The following ZEB1 variants were observed in gnomAD, a reference collection of about 807,000 sequenced individuals.
The protein encoded by ZEB1 is zinc finger E-box-binding homeobox 1.
A neutral mutation model predicts 84.9 loss-of-function variants in ZEB1; 21 were observed. That is an observed-to-expected ratio of 0.25 (90% CI 0.18 to 0.36). The LOEUF (loss-of-function observed/expected upper bound fraction) is 0.36. Ranked by LOEUF, ZEB1 falls within the 10% of genes least tolerant of loss-of-function variation. The pLI is 1.00. For synonymous variants in ZEB1, 420 were observed against 471.1 expected (o/e 0.89, Z 1.41); for missense variants, 1,104 against 1,330.2 (o/e 0.83, Z 2.65).
At chr10:31,463,112 T>C (rs866529208) in intron 2 of ZEB1, among the ~76,000 whole-genome samples, 12 of 152,164 alleles carry the variant, frequency 7.9e-5, no homozygotes, top group South Asian at 2.1e-4. Flanking sequence ...GTATTTCTTA[T>C]CTGTGGCCTG....
intron 1 of ZEB1, among the ~76,000 whole-genome samples, chr10:31,335,907 A>G (rs1178493342): frequency 6.6e-6 from 1 of 152,232 alleles, no homozygotes; most frequent in Non-Finnish European, 1.5e-5. Context: ...CAGAATTATT[A>G]TACAAATTCA....
rs2057680274 is a variant in ZEB1, at chr10:31,431,319, G to T, written c.59-29718G>T. 4.6e-5 allele frequency among the ~76,000 whole-genome samples: 7 copies of T among 152,256 alleles called. No homozygotes were observed. The South Asian group carries it at 1.5e-3, about 32-fold the overall frequency. Reference sequence around the variant, plus strand: ...GGGAGCATTGCCTTAAACTAAACTGGAAATAAGAAGCAGCATTCATTATAC... The same window carrying T: ...GGGAGCATTGCCTTAAACTAAACTGTAAATAAGAAGCAGCATTCATTATAC... On this transcript the variant is annotated intron_variant, in intron 1 of 8. Coordinates refer to ENST00000424869, the MANE Select transcript of ZEB1 (RefSeq NM_001174096.2).
intron 6 of ZEB1, among the ~76,000 whole-genome samples, chr10:31,514,913 C>T (rs137920823): frequency 6.7e-4 from 102 of 152,118 alleles, no homozygotes; most frequent in African/African-American, 2.4e-3. Flanking sequence ...TATAGTATGA[C>T]ATACTCCAGA....
intron 4 of ZEB1, among the ~76,000 whole-genome samples, chr10:31,507,607 C>A (rs2069211386): frequency 6.6e-6 from 1 of 151,956 alleles, no homozygotes; most frequent in Admixed American, 6.6e-5. Flanking sequence ...TTGACCTAAT[C>A]TATTGCTGAA....
At chr10:31,413,599 A>G (rs905013718) in intron 1 of ZEB1, among the ~76,000 whole-genome samples, 3 of 150,862 alleles carry the variant, frequency 2.0e-5, no homozygotes, top group Non-Finnish European at 4.4e-5. Flanking sequence ...TATGAAAGAT[A>G]AGGAGTAAGC....
chr10:31,352,062 T>C (rs781033207), intron 1 of ZEB1, among the ~76,000 whole-genome samples: 16 of 152,210 alleles, frequency 1.1e-4, no homozygotes, highest in Non-Finnish European at 1.6e-4. Context: ...TAATTCATAA[T>C]ACATAGGATA....
chr10:31,378,147 A>C (rs1381190923), intron 1 of ZEB1, among the ~76,000 whole-genome samples: 1 of 151,390 alleles, frequency 6.6e-6, no homozygotes. Flanking sequence ...TGCTTTACCA[A>C]ATGTTCTCAC....
intron 1 of ZEB1, among the ~76,000 whole-genome samples, chr10:31,411,770 T>C (rs1223464576): frequency 2.0e-5 from 3 of 151,930 alleles, no homozygotes; most frequent in African/African-American, 7.2e-5. Flanking sequence ...TCTGGGTCTC[T>C]TTCTTTCTAA....
intron 1 of ZEB1, among the ~76,000 whole-genome samples, chr10:31,458,891 T>C (rs2061529591): frequency 1.3e-5 from 2 of 152,250 alleles, no homozygotes; most frequent in East Asian, 3.9e-4. Context: ...TGTATATAGA[T>C]GCCCCTTGAC....
At chr10:31,496,705 A>G (rs1447068365) in intron 3 of ZEB1, among the ~76,000 whole-genome samples, 3 of 151,884 alleles carry the variant, frequency 2.0e-5, no homozygotes, top group African/African-American at 7.3e-5. Flanking sequence ...TTTTAATTAC[A>G]TTTTCTTTTT....
intron 1 of ZEB1, among the ~76,000 whole-genome samples, chr10:31,460,727 A>G (rs2061716053): frequency 6.6e-6 from 1 of 152,110 alleles, no homozygotes; most frequent in African/African-American, 2.4e-5. Flanking sequence ...CAAGGATATA[A>G]GTAGTAAGTG....
At position 31,475,668 on chromosome 10, in the gene ZEB1, G is replaced by C. The variant is rs543626575; in HGVS notation, c.259+14431G>C. Among the ~76,000 whole-genome samples, 20 of 152,228 alleles carry C rather than the reference G, an allele frequency of 1.3e-4. No homozygotes were observed. In the East Asian group the frequency reaches 3.7e-3, roughly 28 times the overall value. On this transcript the variant is annotated intron_variant, in intron 2 of 8. Transcript: ENST00000424869. ...ACCACCTTGAAAAAATGTCAGACAT[G>C]AATTTTATATCCTGCCAAACTAAGC...
At chr10:31,346,498 C>T in intron 1 of ZEB1, among the ~76,000 whole-genome samples, 1 of 151,632 alleles carries the variant, frequency 6.6e-6, no homozygotes. Flanking sequence ...AATTAGATGG[C>T]TTTGGGAGTA....
intron 2 of ZEB1, among the ~76,000 whole-genome samples, chr10:31,472,429 C>G (rs1446566171): frequency 6.6e-6 from 1 of 152,110 alleles, no homozygotes; most frequent in Non-Finnish European, 1.5e-5. Context: ...ACTACAAATA[C>G]CTCTATGCAA....
Position 31,423,580 on chromosome 10 carries a change from G to T in ZEB1, c.59-37457G>T, listed in dbSNP as rs1432846997. Among the ~76,000 whole-genome samples, 3 of 152,064 alleles carry T rather than the reference G, an allele frequency of 2.0e-5. No individual in the cohort carries two copies. In the East Asian group the frequency reaches 5.8e-4, roughly 29 times the overall value. On this transcript the variant is annotated intron_variant, in intron 1 of 8. Transcript: ENST00000424869. ...GGTTGTGTTACTATATAATGCAAATGCATGAGGATCAGTGTTTAAGCAATT... is the reference window on the plus strand; with the variant it reads ...GGTTGTGTTACTATATAATGCAAATTCATGAGGATCAGTGTTTAAGCAATT...
At chr10:31,432,029 G>T (rs898916368) in intron 1 of ZEB1, among the ~76,000 whole-genome samples, 1 of 152,136 alleles carries the variant, frequency 6.6e-6, no homozygotes, top group Non-Finnish European at 1.5e-5. Flanking sequence ...TCTGGTTACT[G>T]CCCTCAAAAA....
At chr10:31,386,677 T>A (rs993489544) in intron 1 of ZEB1, among the ~76,000 whole-genome samples, 1 of 152,286 alleles carries the variant, frequency 6.6e-6, no homozygotes, top group African/African-American at 2.4e-5. Context: ...TCTGTGGCAT[T>A]TAACAGAATT....
chr10:31,405,644 T>C (rs1358228075), intron 1 of ZEB1, among the ~76,000 whole-genome samples: 1 of 152,112 alleles, frequency 6.6e-6, no homozygotes, highest in Non-Finnish European at 1.5e-5. Context: ...GTTTACTAGT[T>C]TTATTTGATA....
chr10:31,355,569 G>A lies in ZEB1; in HGVS notation c.58+36277G>A, dbSNP rs528714276. Among the ~76,000 whole-genome samples, 25 of 152,226 alleles carry A rather than the reference G, an allele frequency of 1.6e-4. No individual in the cohort carries two copies. The South Asian group carries it at 2.3e-3, about 14-fold the overall frequency. On this transcript the variant is annotated intron_variant, in intron 1 of 8. Transcript: ENST00000424869. ...GACTTAACCTGCTCTGGGATGGTGG[G>A]GGAGTGTTGAATGTGAACTGAGGGT...
Sources: allele counts gnomAD v4.1 joint callset (sites outside exome capture counted in the v4.1 genomes callset), GRCh38; gene constraint gnomAD v4.1.1; transcripts MANE v1.5; gene names NCBI Gene and HGNC (gene_info 2026-07-23, HGNC 2026-07-21).